Variants in MYOF observed in about 807,000 individuals in gnomAD.
MYOF encodes the protein fer-1-like 3, myoferlin.
MYOF carries 244 observed loss-of-function variants against 284.2 expected under a neutral mutation model. The observed-to-expected ratio is 0.86, with a 90% CI of 0.77 to 0.95. The LOEUF is 0.95. Ranked by LOEUF, MYOF falls within the 40% of genes least tolerant of loss-of-function variation. The pLI, the probability that MYOF is intolerant of heterozygous loss-of-function variation, is 0.00. For synonymous variants in MYOF, 904 were observed against 919.7 expected, an observed-to-expected ratio of 0.98 and a Z score of 0.31; for missense variants, 2,496 against 2,560.6, an observed-to-expected ratio of 0.97 and a Z score of 0.54.
Position 93,375,170 on chromosome 10 carries a change from C to A in MYOF, c.2109-215G>T, listed in dbSNP as rs1009798422. Among the ~76,000 whole-genome samples the A allele has an allele frequency of 3.9e-5, 6 of 152,324 alleles. No homozygotes were observed. In the East Asian group the frequency reaches 1.2e-3, roughly 29 times the overall value. On this transcript the variant is annotated intron_variant, in intron 22 of 53. Transcript: ENST00000359263. ...GGTCTCTTGATGTTCATAAGGAATA[C>A]AGGGAGATTAAAATCCCAAAGCCAT...
intron 2 of MYOF, among the ~76,000 whole-genome samples, chr10:93,456,656 G>A (rs1318060105): frequency 6.6e-6 from 1 of 152,188 alleles, no homozygotes; most frequent in African/African-American, 2.4e-5. Flanking sequence ...TCTCCTGCCA[G>A]TCCAGGCTTC....
At chr10:93,421,253 G>GA (rs995135742) in intron 5 of MYOF, among the ~76,000 whole-genome samples, 12 of 152,052 alleles carry the variant, frequency 7.9e-5, no homozygotes, top group Admixed American at 1.3e-4. Context: ...TAATTGAAGG[G>GA]AAAAAAAGCA....
rs1842292693 is a variant in MYOF, at chr10:93,309,558, A to C, written c.6147+462T>G. ...GGCATCCAGATAGGTAAGGGCAATAATATTTGGGGAGGTTGGGATCAATGA... is the reference window on the plus strand; with the variant it reads ...GGCATCCAGATAGGTAAGGGCAATACTATTTGGGGAGGTTGGGATCAATGA... On this transcript the variant is annotated intron_variant, in intron 53 of 53. Transcript: ENST00000359263. Among the ~76,000 whole-genome samples, 2 of 152,184 alleles carry C rather than the reference A, an allele frequency of 1.3e-5. 1 individual carries two copies. Among genetic ancestry groups the C allele is most frequent in the South Asian group, 4.1e-4 (2 of 4,830 alleles).
intron 36 of MYOF, among the ~76,000 whole-genome samples, chr10:93,349,013 A>G (rs1360602090): frequency 6.6e-6 from 1 of 152,154 alleles, no homozygotes; most frequent in Non-Finnish European, 1.5e-5. Flanking sequence ...GTGACCCTAG[A>G]GTTCAAGAGC....
At chr10:93,347,927 G>T in intron 36 of MYOF, 145 bp from the exon 37 acceptor site, 1 of 804,140 alleles carries the variant, frequency 1.2e-6, no homozygotes, top group Non-Finnish European at 1.9e-6. Context: ...TGCCAGGCAA[G>T]GAGCTCCGTG....
chr10:93,337,671 G>T, intron 40 of MYOF, 144 bp downstream of exon 40: 1 of 631,942 alleles, frequency 1.6e-6, no homozygotes, highest in South Asian at 2.2e-5. Flanking sequence ...TCATGCAAGA[G>T]GGCTCTCCGG....
At chr10:93,308,891 T>C (rs1842256882) in intron 53 of MYOF, among the ~76,000 whole-genome samples, 1 of 152,102 alleles carries the variant, frequency 6.6e-6, no homozygotes, top group Non-Finnish European at 1.5e-5. Context: ...TTTGTATTTT[T>C]AGTAGAGACG....
intron 19 of MYOF, among the ~76,000 whole-genome samples, chr10:93,383,880 C>G (rs1192279241): frequency 6.6e-6 from 1 of 152,080 alleles, no homozygotes; most frequent in African/African-American, 2.4e-5. Flanking sequence ...GGATGATACT[C>G]CCAGCTGGGC....
Position 93,408,771 on chromosome 10 carries a change from C to A in MYOF, c.729+16G>T. On this transcript the variant is annotated intron_variant, in intron 7 of 53. Coordinates refer to ENST00000359263, the MANE Select transcript of MYOF (RefSeq NM_013451.4). ...TGGGACTCATGAGCAGAAACATGCC[C>A]TCTCAACCCCTTTACCTCATCAAAA... 6.2e-7 allele frequency: 1 copy of A among 1,614,056 alleles called. No homozygotes were observed. Among genetic ancestry groups the A allele is most frequent in the Non-Finnish European group, 8.5e-7 (1 of 1,179,982 alleles).
intron 7 of MYOF, among the ~76,000 whole-genome samples, chr10:93,406,252 C>T (rs1589518173): frequency 8.1e-6 from 1 of 123,616 alleles, no homozygotes; most frequent in Non-Finnish European, 1.7e-5. Context: ...AGCCACCACG[C>T]CTGGCCAGGC....
chr10:93,366,414 A>G lies in MYOF; in HGVS notation c.2731T>C (p.Trp911Arg), dbSNP rs748399815. 2 of 1,613,202 alleles carry G rather than the reference A, an allele frequency of 1.2e-6. No homozygotes were observed. The highest frequency in any genetic ancestry group is 2.2e-5 in the South Asian group (2 of 90,890). The change falls in exon 26 of 54, where the codon TGG becomes CGG. Residue 911 changes from tryptophan (W) to arginine (R), a missense_variant. This residue lies in a region of MYOF where 2,436 missense variants were observed against 2,480.7 expected (regional missense o/e 0.98). Coordinates refer to ENST00000359263, the MANE Select transcript of MYOF (RefSeq NM_013451.4). Reference sequence around the variant, plus strand: ...TACCTTCTTTCAGGATCAACTATCCACTCTCCTTCCCATTCCCAGCCTTTT... The same window carrying G: ...TACCTTCTTTCAGGATCAACTATCCGCTCTCCTTCCCATTCCCAGCCTTTT... ...PPKGWEWEGE[W>R]IVDPERSLLT... is the part of the protein sequence containing the mutation.
At chr10:93,319,174 G>A (rs942424047) in intron 49 of MYOF, among the ~76,000 whole-genome samples, 3 of 152,188 alleles carry the variant, frequency 2.0e-5, no homozygotes, top group Non-Finnish European at 4.4e-5. Context: ...TGAGGGCTTC[G>A]CTCTTCTCTT....
chr10:93,387,755 C>T (rs776863687), intron 19 of MYOF, 42 bp downstream of exon 19: 5 of 1,553,598 alleles, frequency 3.2e-6, no homozygotes, highest in South Asian at 1.1e-5. Context: ...CCCTGGAGGT[C>T]TCCTTTTCTA....
intron 2 of MYOF, among the ~76,000 whole-genome samples, chr10:93,455,104 A>T (rs1474982226): frequency 2.0e-5 from 3 of 151,706 alleles, no homozygotes; most frequent in African/African-American, 7.3e-5. Flanking sequence ...AGCCTGATCA[A>T]CATGGAGAAA....
chr10:93,400,381 G>C lies in MYOF; in HGVS notation c.1118-886C>G, dbSNP rs550177442. Among the ~76,000 whole-genome samples, 14 of 146,514 alleles carry C rather than the reference G, an allele frequency of 9.6e-5. 1 individual carries two copies. In the South Asian group the frequency reaches 3.0e-3, roughly 31 times the overall value. Reference sequence around the variant, plus strand: ...TAGTCTTGCTATGTTGCCCAGGCTGGTCTTGAACTTTTGGCCTCAAGCAGT... The same window carrying C: ...TAGTCTTGCTATGTTGCCCAGGCTGCTCTTGAACTTTTGGCCTCAAGCAGT... On this transcript the variant is annotated intron_variant, in intron 12 of 53. Coordinates refer to ENST00000359263, the MANE Select transcript of MYOF (RefSeq NM_013451.4).
chr10:93,370,733 C>A (rs1288458755), intron 24 of MYOF, among the ~76,000 whole-genome samples: 1 of 152,102 alleles, frequency 6.6e-6, no homozygotes, highest in Non-Finnish European at 1.5e-5. Flanking sequence ...TGATGGTTGT[C>A]TTGAGAAAAA....
At chr10:93,341,931 A>G (rs1843938345) in intron 38 of MYOF, 2 of 1,289,830 alleles carry the variant, frequency 1.6e-6, no homozygotes, top group Non-Finnish European at 2.0e-6. Flanking sequence ...TCGCTGGAGA[A>G]GCCATTTTGC....
intron 11 of MYOF, 133 bp from the exon 12 acceptor site, chr10:93,401,677 C>T: frequency 8.5e-7 from 1 of 1,179,698 alleles, no homozygotes; most frequent in Non-Finnish European, 1.2e-6. Flanking sequence ...CTTAAGAGTT[C>T]AGCCTGCCAT....
intron 21 of MYOF, among the ~76,000 whole-genome samples, chr10:93,377,934 G>C (rs1485510308): frequency 6.6e-6 from 1 of 152,164 alleles, no homozygotes; most frequent in African/African-American, 2.4e-5. Flanking sequence ...TGAAGTCATA[G>C]CTTTTAATAT....
Sources: allele counts gnomAD v4.1 joint callset (sites outside exome capture counted in the v4.1 genomes callset), GRCh38; gene constraint gnomAD v4.1.1; regional missense constraint gnomAD v4.1.1; transcripts MANE v1.5; gene names NCBI Gene and HGNC (gene_info 2026-07-23, HGNC 2026-07-21).